NAALADL2: variants seen among roughly 807,000 people sequenced by gnomAD.
The protein encoded by NAALADL2 is N-acetylated alpha-linked acidic dipeptidase like 2.
In NAALADL2, 76 loss-of-function variants were observed where a neutral mutation model predicts 87.2. The ratio of observed to expected loss-of-function variants is 0.87; its 90% CI spans 0.72 to 1.05. The LOEUF is 1.05. Among genes scored for constraint, NAALADL2 ranks in the 50% least tolerant of loss-of-function variants. The pLI, the probability that NAALADL2 is intolerant of heterozygous loss-of-function variation, is 0.00. For synonymous variants in NAALADL2, 354 were observed against 331.0 expected, an observed-to-expected ratio of 1.07 and a Z score of -0.75; for missense variants, 1,089 against 945.8, an observed-to-expected ratio of 1.15 and a Z score of -1.99.
At chr3:175,609,634 A>G (rs1017079910) in intron 10 of NAALADL2, 1 of 152,150 alleles carries the variant, frequency 6.6e-6, no homozygotes, top group East Asian at 1.9e-4. Context: ...TAATGAACAC[A>G]TTACCAGAGC....
intron 1 of NAALADL2, among the ~76,000 whole-genome samples, chr3:174,898,127 A>G (rs1477236613): frequency 2.3e-5 from 3 of 131,522 alleles, no homozygotes; most frequent in Non-Finnish European, 4.5e-5. Flanking sequence ...AAAAAAAAAA[A>G]AAAAAAAAAA....
At chr3:174,462,401 C>A (rs534192269) in intron 1 of NAALADL2, among the ~76,000 whole-genome samples, 1 of 152,140 alleles carries the variant, frequency 6.6e-6, no homozygotes, top group African/African-American at 2.4e-5. Flanking sequence ...AGAGTTTCTC[C>A]TCTCTATGAT....
intron 5 of NAALADL2, among the ~76,000 whole-genome samples, chr3:175,441,575 G>A (rs1387479883): frequency 1.3e-5 from 2 of 151,964 alleles, no homozygotes; most frequent in Non-Finnish European, 2.9e-5. Flanking sequence ...TGCACTCCTA[G>A]TAAGTCCTAG....
chr3:175,324,203 G>A lies in NAALADL2; in HGVS notation c.968G>A (p.Gly323Glu). The A allele has an allele frequency of 6.2e-7, 1 of 1,613,540 alleles. No homozygotes were observed. The highest frequency in any genetic ancestry group is 2.2e-5 in the East Asian group (1 of 44,822). The change falls in exon 5 of 14, where the codon GGA becomes GAA. Residue 323 changes from glycine to glutamate, a missense_variant. Physicochemically the swap from Gly to Glu is moderately conservative, Grantham distance 98. Coordinates refer to ENST00000454872, the MANE Select transcript of NAALADL2 (RefSeq NM_207015.3). ...KLSSLEKAGF[G>E]GVLLYIDPCD... ...TCCTCATTGGAAAAGGCTGGATTTG[G>A]AGGTGTTCTTCTGTATATCGATCCT...
At chr3:175,370,312 G>C (rs1241933306) in intron 5 of NAALADL2, among the ~76,000 whole-genome samples, 2 of 151,858 alleles carry the variant, frequency 1.3e-5, no homozygotes, top group Admixed American at 1.3e-4. Context: ...AATAGGTTTT[G>C]GTTATTTCTT....
chr3:174,644,385 T>C (rs1022814283), intron 2 of NAALADL2, among the ~76,000 whole-genome samples: 1 of 152,226 alleles, frequency 6.6e-6, no homozygotes, highest in Non-Finnish European at 1.5e-5. Flanking sequence ...GAAGATGCTT[T>C]TACTTTTCAT....
At chr3:174,520,292 T>C (rs1720194699) in intron 1 of NAALADL2, among the ~76,000 whole-genome samples, 1 of 152,162 alleles carries the variant, frequency 6.6e-6, no homozygotes, top group South Asian at 2.1e-4. Flanking sequence ...GCTGGAGCCC[T>C]CACATTACGA....
chr3:175,124,249 A>G (rs1053790091), intron 2 of NAALADL2, among the ~76,000 whole-genome samples: 3 of 152,032 alleles, frequency 2.0e-5, no homozygotes, highest in African/African-American at 7.2e-5. Flanking sequence ...TTAAGTTTCA[A>G]GTAACGGAAA....
intron 11 of NAALADL2, among the ~76,000 whole-genome samples, chr3:175,678,704 T>TC (rs1353364391): frequency 6.6e-6 from 1 of 151,888 alleles, no homozygotes; most frequent in African/African-American, 2.4e-5. Flanking sequence ...GTGGGGAACA[T>TC]CACACACCAG....
chr3:174,563,458 A>T (rs894730159), intron 2 of NAALADL2, among the ~76,000 whole-genome samples: 4 of 151,620 alleles, frequency 2.6e-5, no homozygotes, highest in South Asian at 2.1e-4. Context: ...AAAATGTGGG[A>T]ATTTTTATTG....
intron 1 of NAALADL2, among the ~76,000 whole-genome samples, chr3:175,096,060 C>G (rs1297663721): frequency 6.6e-6 from 1 of 152,098 alleles, no homozygotes; most frequent in Non-Finnish European, 1.5e-5. Flanking sequence ...AAAAGGCTTT[C>G]CTCTTTGGAT....
At chr3:175,599,816 C>T (rs4072167) in intron 10 of NAALADL2, among the ~76,000 whole-genome samples, 100,092 of 151,904 alleles carry the variant, frequency 0.66, 34,972 homozygotes, top group East Asian at 0.85. Context: ...ATGTACTAGT[C>T]AGCATTATTA....
chr3:174,844,833 T>C (rs13062812), intron 3 of NAALADL2, among the ~76,000 whole-genome samples: 5 of 133,726 alleles, frequency 3.7e-5, no homozygotes, highest in East Asian at 2.3e-4. Context: ...TTAGTTCTAA[T>C]GGTTTTTTTT....
At chr3:174,482,098 T>G (rs1188678068) in intron 1 of NAALADL2, among the ~76,000 whole-genome samples, 1 of 152,118 alleles carries the variant, frequency 6.6e-6, no homozygotes, top group Non-Finnish European at 1.5e-5. Context: ...TCATACCTGC[T>G]ATATTAACTC....
chr3:175,477,135 T>TG (rs1200038678), intron 9 of NAALADL2, among the ~76,000 whole-genome samples: 1 of 152,120 alleles, frequency 6.6e-6, no homozygotes, highest in East Asian at 1.9e-4. Flanking sequence ...CTTGAACACT[T>TG]GCTGAGAAAC....
intron 9 of NAALADL2, among the ~76,000 whole-genome samples, chr3:175,542,451 G>A (rs574834372): frequency 6.6e-6 from 1 of 152,304 alleles, no homozygotes; most frequent in South Asian, 2.1e-4. Context: ...CCTGCAGTTG[G>A]CCCTGTGGAA....
chr3:174,566,765 T>C (rs1240270908), intron 2 of NAALADL2, among the ~76,000 whole-genome samples: 1 of 151,742 alleles, frequency 6.6e-6, no homozygotes, highest in Non-Finnish European at 1.5e-5. Flanking sequence ...TTCCTCTTGT[T>C]TCATTTTCAA....
intron 1 of NAALADL2, among the ~76,000 whole-genome samples, chr3:174,528,372 G>A (rs1297915299): frequency 6.6e-6 from 1 of 152,152 alleles, no homozygotes; most frequent in Non-Finnish European, 1.5e-5. Flanking sequence ...GCTCATACCT[G>A]TAAGCCCAGC....
intron 2 of NAALADL2, among the ~76,000 whole-genome samples, chr3:174,574,822 G>T (rs1715348759): frequency 6.6e-6 from 1 of 151,798 alleles, no homozygotes. Flanking sequence ...AATTTTTTTT[G>T]AGATTTATCT....
Sources: gnomAD v4.1 joint callset for allele counts (sites outside exome capture counted in the v4.1 genomes callset) on GRCh38, gnomAD v4.1.1 for gene constraint, MANE v1.5 for transcripts, NCBI Gene and HGNC (gene_info 2026-07-23, HGNC 2026-07-21) for gene names.